Variants in ABHD2 observed in about 807,000 individuals in gnomAD.
The protein encoded by ABHD2 is abhydrolase domain containing 2, acylglycerol lipase, also known as monoacylglycerol lipase ABHD2.
Under a neutral mutation model 48.1 loss-of-function variants are expected in ABHD2, and 20 were observed. The observed-to-expected ratio is 0.42, with a 90% confidence interval of 0.29 to 0.60. The LOEUF (loss-of-function observed/expected upper bound fraction) is 0.60. Among genes scored for constraint, ABHD2 ranks in the 20% least tolerant of loss-of-function variants. The pLI is 0.24. For missense variants in ABHD2, 405 were observed against 550.9 expected (o/e 0.74, Z 2.65); for synonymous variants, 209 against 214.2 (o/e 0.98, Z 0.21).
In ABHD2 at chr15:89,120,982, C is replaced by G. The variant is rs1212304442; in HGVS notation, c.194+4461C>G. 6.6e-6 allele frequency: 1 copy of G among 152,190 alleles called. No homozygotes were observed. Among genetic ancestry groups the G allele is most frequent in the Non-Finnish European group, 1.5e-5 (1 of 68,026 alleles). The allele number at this position is 152,190 out of a possible 1,614,324, so 9.4% of individuals were successfully genotyped here. On this transcript the variant is annotated intron_variant, in intron 3 of 10. Coordinates refer to ENST00000352732, the MANE Select transcript of ABHD2 (RefSeq NM_152924.5). This position sits in a 1 kb window ranked among gnomAD's most constrained non-coding sequence, Gnocchi z 4.2. ...ATATTGTTTAGTAACCTGCTTTCAC[C>G]AAACCATGATGAACGTTGCCATGAA... is the stretch of plus-strand genomic sequence containing the variant.
intron 3 of ABHD2, chr15:89,136,465 C>T: frequency 8.7e-6 from 4 of 462,086 alleles, no homozygotes; most frequent in South Asian, 4.9e-5. Context: ...GGCATTTTCT[C>T]TCTTGGCTTC....
At position 89,100,103 on chromosome 15, in the gene ABHD2, G is replaced by A. The variant is rs993787819; in HGVS notation, c.-107+11540G>A. ...AACGTGTGTGTGATCCATGTTACCTGTAGAAGACATTTAAATTAGCATTGA... is the reference window on the plus strand; with the variant it reads ...AACGTGTGTGTGATCCATGTTACCTATAGAAGACATTTAAATTAGCATTGA... On this transcript the variant is annotated intron_variant, in intron 1 of 10. Coordinates refer to ENST00000352732, the MANE Select transcript of ABHD2 (RefSeq NM_152924.5). This position sits in a 1 kb window ranked among gnomAD's most constrained non-coding sequence, Gnocchi z 4.4. Among the ~76,000 whole-genome samples, 1 of 152,100 alleles carries A rather than the reference G, an allele frequency of 6.6e-6. No homozygotes were observed. Among genetic ancestry groups the A allele is most frequent in the Non-Finnish European group, 1.5e-5 (1 of 68,012 alleles).
chr15:89,067,581 G>A, the ABHD2 span, among the ~76,000 whole-genome samples: 8 of 152,124 alleles, frequency 5.3e-5, no homozygotes, highest in Non-Finnish European at 1.0e-4. Flanking sequence ...TGTTCCAAAG[G>A]CCATGAGGGG....
chr15:89,171,711 T>G (rs552516289), intron 5 of ABHD2, among the ~76,000 whole-genome samples: 40 of 151,726 alleles, frequency 2.6e-4, no homozygotes, highest in African/African-American at 9.0e-4. Flanking sequence ...GGAAAGGGAG[T>G]CTGAAAAGGG....
At chr15:89,063,431 A>G in the ABHD2 span, among the ~76,000 whole-genome samples, 10 of 152,126 alleles carry the variant, frequency 6.6e-5, no homozygotes, top group Non-Finnish European at 1.5e-4. Context: ...TCTGACTACC[A>G]AAAGATAACC....
the ABHD2 span, among the ~76,000 whole-genome samples, chr15:89,055,390 G>A: frequency 2.1e-5 from 3 of 145,604 alleles, no homozygotes; most frequent in Non-Finnish European, 4.5e-5. Flanking sequence ...GCAGTGGCAC[G>A]ATCTCATCTC....
At chr15:89,161,147 T>C (rs1189518613) in intron 5 of ABHD2, among the ~76,000 whole-genome samples, 1 of 152,112 alleles carries the variant, frequency 6.6e-6, no homozygotes, top group Non-Finnish European at 1.5e-5. Flanking sequence ...TCTCCGGGAG[T>C]CTAAGGTATA....
rs2051459559 is a variant in ABHD2 at position 89,200,859 on chromosome 15, A to G, written c.*5436A>G. ...GCACTTTGGAGGCCGAGGCGGGTAG[A>G]TCACCTGAGGTTAGGAGTTCAAGAC... On this transcript the variant is annotated 3_prime_UTR_variant, in exon 11 of 11. Transcript: ENST00000352732. The G allele has an allele frequency of 9.0e-6, 3 of 334,346 alleles. No homozygotes were observed. The Admixed American group carries it at 1.1e-4, about 13-fold the overall frequency. 20.7% of individuals were successfully genotyped at this position (334,346 alleles called of 1,614,324 possible). A position where few individuals can be genotyped will look rare whatever the true frequency, so the allele number is the denominator to read the frequency against.
At position 89,200,661 on chromosome 15, in the gene ABHD2, AC is replaced by A. The variant is rs1314854925; in HGVS notation, c.*5239del. 2 of 198,304 alleles carry A rather than the reference AC, an allele frequency of 1.0e-5. No individual in the cohort carries two copies. Among genetic ancestry groups the A allele is most frequent in the African/African-American group, 4.7e-5 (2 of 42,358 alleles). The allele number at this position is 198,304 out of a possible 1,614,324, so 12.3% of individuals were successfully genotyped here. On this transcript the variant is annotated 3_prime_UTR_variant, in exon 11 of 11. Coordinates refer to ENST00000352732, the MANE Select transcript of ABHD2 (RefSeq NM_152924.5). ...AAAGCCTGTATGACGCTGTACACAC[AC>A]AAAAAAATGGTCACCGCAGGCCATA...
chr15:89,183,906 G>A (rs1233343821), intron 6 of ABHD2, among the ~76,000 whole-genome samples: 4 of 152,164 alleles, frequency 2.6e-5, no homozygotes, highest in Non-Finnish European at 5.9e-5. Flanking sequence ...TCAGAGGAGA[G>A]GCAGCTGGTT....
At chr15:89,191,266 C>G (rs574506957) in intron 9 of ABHD2, 117 bp downstream of exon 9, 20 of 988,584 alleles carry the variant, frequency 2.0e-5, no homozygotes, top group Non-Finnish European at 2.9e-5. Context: ...TGGCTCCAAC[C>G]GCTCTTTTAG....
At chr15:89,123,146 A>G (rs2050078204) in intron 3 of ABHD2, among the ~76,000 whole-genome samples, 2 of 152,336 alleles carry the variant, frequency 1.3e-5, no homozygotes, top group South Asian at 2.1e-4. Flanking sequence ...CACTAACACC[A>G]AGCCAAAAAT....
chr15:89,125,588 T>C (rs554905200), intron 3 of ABHD2, among the ~76,000 whole-genome samples: 2 of 152,196 alleles, frequency 1.3e-5, no homozygotes, highest in Non-Finnish European at 2.9e-5. Context: ...CACTCTTTTA[T>C]TACTTGGCTG....
At position 89,166,935 on chromosome 15, in the gene ABHD2, C is replaced by T. The variant is rs575159825; in HGVS notation, c.539-8877C>T. ...CCCCATCTCCCTCCATCTAATTACACATTCCAATTGAGACACTTTTGAGAG... is the reference window on the plus strand; with the variant it reads ...CCCCATCTCCCTCCATCTAATTACATATTCCAATTGAGACACTTTTGAGAG... On this transcript the variant is annotated intron_variant, in intron 5 of 10. Transcript: ENST00000352732. The surrounding 1 kb of genome is among the most constrained non-coding windows in gnomAD (Gnocchi z 4.6). Among the ~76,000 whole-genome samples, 18 of 152,328 alleles carry T rather than the reference C, an allele frequency of 1.2e-4. No homozygotes were observed. Among genetic ancestry groups the T allele is most frequent in the Admixed American group, 1.0e-3 (16 of 15,312 alleles).
chr15:89,135,799 A>G lies in ABHD2; in HGVS notation c.195-15878A>G. ...ACATCTCTCCCAGTTTCTTTGCAACATCATTAGTGGACAGGCCAGATGTTC... is the reference window on the plus strand; with the variant it reads ...ACATCTCTCCCAGTTTCTTTGCAACGTCATTAGTGGACAGGCCAGATGTTC... On this transcript the variant is annotated intron_variant, in intron 3 of 10. Transcript: ENST00000352732. 5 of 803,468 alleles carry G rather than the reference A, an allele frequency of 6.2e-6. No homozygotes were observed. In the South Asian group the frequency reaches 6.7e-5, roughly 11 times the overall value. 49.8% of individuals were successfully genotyped at this position (803,468 alleles called of 1,614,324 possible). A position where few individuals can be genotyped will look rare whatever the true frequency, so the allele number is the denominator to read the frequency against.
the ABHD2 span, among the ~76,000 whole-genome samples, chr15:89,043,748 G>T: frequency 6.7e-6 from 1 of 148,356 alleles, no homozygotes; most frequent in South Asian, 2.2e-4. Flanking sequence ...AGGAGGAGGA[G>T]GAAGAGGAGA....
intron 3 of ABHD2, among the ~76,000 whole-genome samples, chr15:89,142,024 C>T (rs2050410806): frequency 6.6e-6 from 1 of 152,210 alleles, no homozygotes; most frequent in African/African-American, 2.4e-5. Flanking sequence ...TCATAGGAGT[C>T]TCTAGAATGA....
chr15:89,150,714 TAATA>T (rs1253848817), intron 3 of ABHD2, among the ~76,000 whole-genome samples: 1 of 152,208 alleles, frequency 6.6e-6, no homozygotes. Flanking sequence ...GGTAAATTAT[TAATA>T]AAACACTCAC....
rs1469724119 is a variant in ABHD2 at position 89,114,513 on chromosome 15, C to T, written c.-7+689C>T. Among the ~76,000 whole-genome samples the T allele has an allele frequency of 2.0e-5, 3 of 152,032 alleles. No individual in the cohort carries two copies. The highest frequency in any genetic ancestry group is 2.1e-4 in the South Asian group (1 of 4,818). ...TTTTTGTTTTTTTGAGACGGCGTTT[C>T]GCTCTTGTCCCCAGGCTGGAGTGCA... On this transcript the variant is annotated intron_variant, in intron 2 of 10. Coordinates refer to ENST00000352732, the MANE Select transcript of ABHD2 (RefSeq NM_152924.5). This position sits in a 1 kb window ranked among gnomAD's most constrained non-coding sequence, Gnocchi z 4.2.
Sources: allele counts gnomAD v4.1 joint callset (sites outside exome capture counted in the v4.1 genomes callset), GRCh38; gene constraint gnomAD v4.1.1; non-coding constraint Gnocchi (gnomAD v3.1); transcripts MANE v1.5; gene names NCBI Gene and HGNC (gene_info 2026-07-23, HGNC 2026-07-21).